BNC2: variants seen among roughly 807,000 people sequenced by gnomAD.
BNC2 encodes the protein zinc finger protein basonuclin-2.
In BNC2, 20 loss-of-function variants were observed where a neutral mutation model predicts 76.3. The ratio of observed to expected loss-of-function variants is 0.26; its 90% CI spans 0.18 to 0.38. The LOEUF (loss-of-function observed/expected upper bound fraction) is 0.38. Ranked by LOEUF, BNC2 falls within the 10% of genes least tolerant of loss-of-function variation. The probability of loss-of-function intolerance (pLI) is 1.00; values close to 1 mark genes in which losing one functional copy is unlikely to be tolerated. For missense variants in BNC2, 1,382 were observed against 1,399.8 expected (o/e 0.99, Z 0.20); for synonymous variants, 582 against 514.8 (o/e 1.13, Z -1.77).
At chr9:16,681,003 G>A (rs1422569558) in intron 3 of BNC2, among the ~76,000 whole-genome samples, 1 of 152,096 alleles carries the variant, frequency 6.6e-6, no homozygotes, top group Admixed American at 6.5e-5. Flanking sequence ...AATGACTACT[G>A]AATTTTACCA....
intron 5 of BNC2, chr9:16,476,013 A>G (rs1821920443): frequency 6.6e-6 from 1 of 152,190 alleles, no homozygotes; most frequent in Admixed American, 6.5e-5. Flanking sequence ...CCCGTGTCCA[A>G]AAGATCTCCT....
chr9:16,486,840 C>T (rs907127323), intron 5 of BNC2, among the ~76,000 whole-genome samples: 10 of 152,118 alleles, frequency 6.6e-5, no homozygotes, highest in Non-Finnish European at 1.2e-4. Flanking sequence ...ATCCTCCTGC[C>T]TCAGCCTCCT....
At chr9:16,866,659 CTT>C (rs59077570) in intron 1 of BNC2, among the ~76,000 whole-genome samples, 1 of 127,554 alleles carries the variant, frequency 7.8e-6, no homozygotes, top group Non-Finnish European at 1.6e-5. Context: ...GCTTCTGTCA[CTT>C]TTAAAAAAAA....
intron 4 of BNC2, chr9:16,575,222 T>C: frequency 1.0e-6 from 1 of 978,928 alleles, no homozygotes. Flanking sequence ...AACAGTCTCA[T>C]TCAAGAACAA....
chr9:16,820,704 T>C (rs1358213032), intron 1 of BNC2, among the ~76,000 whole-genome samples: 2 of 152,136 alleles, frequency 1.3e-5, no homozygotes, highest in Non-Finnish European at 2.9e-5. Context: ...AGGAAAAATA[T>C]TTCTCACAAA....
intron 1 of BNC2, among the ~76,000 whole-genome samples, chr9:16,746,934 C>G (rs1277840039): frequency 6.7e-6 from 1 of 149,888 alleles, no homozygotes; most frequent in Non-Finnish European, 1.5e-5. Flanking sequence ...TGCACTCCAG[C>G]CTGGGTGACA....
At chr9:16,785,590 G>C (rs1283451213) in intron 1 of BNC2, among the ~76,000 whole-genome samples, 1 of 137,518 alleles carries the variant, frequency 7.3e-6, no homozygotes. Context: ...TAGAGGTGAG[G>C]TTTCACCATG....
intron 1 of BNC2, among the ~76,000 whole-genome samples, chr9:16,857,886 C>G (rs1819302670): frequency 6.6e-6 from 1 of 152,166 alleles, no homozygotes; most frequent in Non-Finnish European, 1.5e-5. Context: ...TTTAATTCAA[C>G]AATGAAGCAA....
intron 3 of BNC2, among the ~76,000 whole-genome samples, chr9:16,631,452 G>A (rs1257756239): frequency 1.3e-5 from 2 of 152,100 alleles, no homozygotes; most frequent in African/African-American, 2.4e-5. Flanking sequence ...GCAACAGAGC[G>A]AATCTGTTAA....
chr9:16,646,805 CA>C (rs1821641112), intron 3 of BNC2, among the ~76,000 whole-genome samples: 1 of 151,912 alleles, frequency 6.6e-6, no homozygotes. Context: ...AAAAGGGATG[CA>C]AAAATAGAAG....
intron 3 of BNC2, among the ~76,000 whole-genome samples, chr9:16,663,278 G>A (rs982684473): frequency 1.3e-5 from 2 of 151,574 alleles, no homozygotes; most frequent in African/African-American, 2.4e-5. Flanking sequence ...GATTACAGGC[G>A]CCCGCCACCG....
chr9:16,451,128 G>T (rs1212291494), intron 5 of BNC2, among the ~76,000 whole-genome samples: 1 of 152,192 alleles, frequency 6.6e-6, no homozygotes, highest in East Asian at 1.9e-4. Context: ...CTACTTTGCA[G>T]CCTGGGGAAA....
chr9:16,854,873 G>A (rs901977945), intron 1 of BNC2, among the ~76,000 whole-genome samples: 1 of 151,966 alleles, frequency 6.6e-6, no homozygotes, highest in Non-Finnish European at 1.5e-5. Context: ...GCCCAGGAAA[G>A]GAGTCCAAAG....
intron 4 of BNC2, among the ~76,000 whole-genome samples, chr9:16,573,048 C>A (rs750126562): frequency 6.6e-6 from 1 of 151,652 alleles, no homozygotes; most frequent in African/African-American, 2.4e-5. Context: ...GGCAACAAGA[C>A]GAAACCCTAT....
chr9:16,436,035 C>G lies in BNC2; in HGVS notation c.2159G>C (p.Arg720Pro). 1 of 1,614,176 alleles carries G rather than the reference C, an allele frequency of 6.2e-7. No homozygotes were observed. Among genetic ancestry groups the G allele is most frequent in the Non-Finnish European group, 8.5e-7 (1 of 1,180,048 alleles). ...AGACTCAGACTCGTTCTCATAGTCC[C>G]GCTCAGGTTCTTGGTCTTCAGAAGT... ...SMTSEDQEPERDYENESESSE... is the reference protein window; with the variant it reads ...SMTSEDQEPEPDYENESESSE... The change falls in exon 6 of 7, where the codon CGG (arginine) becomes CCG (proline). Residue 720 changes from arginine to proline, a missense_variant. Physicochemically the swap from Arg to Pro is moderately radical, Grantham distance 103. This residue lies in a region of BNC2 where 798 missense variants were observed against 775.5 expected (regional missense o/e 1.03). Transcript: ENST00000380672.
chr9:16,508,821 C>CTTTTTT (rs386414529), intron 5 of BNC2, among the ~76,000 whole-genome samples: 4 of 143,418 alleles, frequency 2.8e-5, no homozygotes, highest in African/African-American at 5.2e-5. Context: ...TTTTGCACAT[C>CTTTTTT]TTTTTTTTTT....
intron 1 of BNC2, among the ~76,000 whole-genome samples, chr9:16,809,259 G>C (rs1261193614): frequency 2.6e-5 from 4 of 152,112 alleles, no homozygotes; most frequent in Admixed American, 2.0e-4. Flanking sequence ...CCCCCTCCTG[G>C]ATCACTCTCT....
intron 5 of BNC2, among the ~76,000 whole-genome samples, chr9:16,438,521 T>C (rs1821064681): frequency 6.6e-6 from 1 of 152,158 alleles, no homozygotes; most frequent in African/African-American, 2.4e-5. Flanking sequence ...AATCCTGCAA[T>C]GTAATGTCAG....
intron 1 of BNC2, among the ~76,000 whole-genome samples, chr9:16,784,643 T>C (rs1346091769): frequency 6.6e-6 from 1 of 152,200 alleles, no homozygotes; most frequent in East Asian, 1.9e-4. Context: ...GGCTGAGCAC[T>C]GGCAAAGTCA....
Sources: allele counts gnomAD v4.1 joint callset (sites outside exome capture counted in the v4.1 genomes callset), GRCh38; gene constraint gnomAD v4.1.1; regional missense constraint gnomAD v4.1.1; transcripts MANE v1.5; gene names NCBI Gene and HGNC (gene_info 2026-07-23, HGNC 2026-07-21).